Variants in RFNG observed in about 807,000 individuals in gnomAD.
RFNG encodes the protein beta-1,3-N-acetylglucosaminyltransferase radical fringe.
Under a neutral mutation model 29.6 loss-of-function variants are expected in RFNG, and 37 were observed. That is an observed-to-expected ratio of 1.25 (90% CI 0.96 to 1.65). The LOEUF (loss-of-function observed/expected upper bound fraction) is 1.65. RFNG is among the 40% of genes most tolerant of loss of function. The pLI, the probability that RFNG is intolerant of heterozygous loss-of-function variation, is 0.00. For missense variants in RFNG, 546 were observed against 457.0 expected (o/e 1.19, Z -1.78); for synonymous variants, 276 against 197.3 (o/e 1.40, Z -3.34).
rs532758119 is a variant in RFNG at position 82,048,968 on chromosome 17, A to G, written c.914+63T>C. 4.8e-5 allele frequency: 74 copies of G among 1,538,624 alleles called. No individual in the cohort carries two copies. The African/African-American group carries it at 8.9e-4, about 18-fold the overall frequency. ...AGCAGCGGGGGTCAGGGCCGTGGGTAGAGGGAGCTGATGCCAGAGCCCCTG... is the reference window on the plus strand; with the variant it reads ...AGCAGCGGGGGTCAGGGCCGTGGGTGGAGGGAGCTGATGCCAGAGCCCCTG... On this transcript the variant is annotated intron_variant, in intron 7 of 7. Transcript: ENST00000310496.
intron 6 of RFNG, 88 bp downstream of exon 6, chr17:82,049,589 G>T: frequency 1.4e-6 from 2 of 1,414,114 alleles, no homozygotes; most frequent in South Asian, 1.3e-5. Flanking sequence ...CTGCTCAGCC[G>T]GGCATCGGGC....
chr17:82,050,378 G>A (rs777497005), intron 4 of RFNG, 24 bp downstream of exon 4: 28 of 1,545,252 alleles, frequency 1.8e-5, no homozygotes, highest in East Asian at 9.0e-5. Flanking sequence ...CGTCTGCTCC[G>A]ATGGCGTCTG....
At position 82,049,589 on chromosome 17, in the gene RFNG, G is replaced by A. The variant is rs1003079366; in HGVS notation, c.828+88C>T. 22 of 1,413,996 alleles carry A rather than the reference G, an allele frequency of 1.6e-5. No homozygotes were observed. The East Asian group carries it at 2.0e-4, about 13-fold the overall frequency. The allele number at this position is 1,413,996 out of a possible 1,614,324, so 87.6% of individuals were successfully genotyped here. The stretch of plus-strand genomic sequence containing the variant: ...GCAAATCCCACCTGCCTGCTCAGCC[G>A]GGCATCGGGCCGGGGCAGTGGGGCC... On this transcript the variant is annotated intron_variant, in intron 6 of 7. Transcript: ENST00000310496.
At position 82,048,470 on chromosome 17, in the gene RFNG, T is replaced by A; in HGVS notation, c.*256A>T. 1.9e-6 allele frequency: 1 copy of A among 532,988 alleles called. No individual in the cohort carries two copies. The highest frequency in any genetic ancestry group is 3.3e-5 in the East Asian group (1 of 30,678). The allele number at this position is 532,988 out of a possible 1,614,324, so 33.0% of individuals were successfully genotyped here. A position where few individuals can be genotyped will look rare whatever the true frequency, so the allele number is the denominator to read the frequency against. The stretch of plus-strand genomic sequence containing the variant: ...GAAGCCTGTTCCCGTGGGATCAACC[T>A]TGGGGCTGGGTCGGGGGGAGGGGCA... On this transcript the variant is annotated 3_prime_UTR_variant, in exon 8 of 8. Transcript: ENST00000310496.
rs752259203 is a variant in RFNG, at chr17:82,048,664, G to A, written c.*62C>T. ...CCTGAGGGAGCCCACTGAGCCCATA[G>A]GGGGCTCTGGTTCCCCGCGCCTGGG... On this transcript the variant is annotated 3_prime_UTR_variant, in exon 8 of 8. Coordinates refer to ENST00000310496, the MANE Select transcript of RFNG (RefSeq NM_002917.2). 9 of 1,380,080 alleles carry A rather than the reference G, an allele frequency of 6.5e-6. No homozygotes were observed. Among genetic ancestry groups the A allele is most frequent in the South Asian group, 1.2e-5 (1 of 86,418 alleles). 85.5% of individuals were successfully genotyped at this position (1,380,080 alleles called of 1,614,324 possible).
At position 82,049,981 on chromosome 17, in the gene RFNG, G is replaced by C. The variant is rs1450256074; in HGVS notation, c.599C>G (p.Ala200Gly). 1.2e-5 allele frequency: 19 copies of C among 1,612,250 alleles called. No homozygotes were observed. Among genetic ancestry groups the C allele is most frequent in the Non-Finnish European group, 1.5e-5 (18 of 1,179,570 alleles). The change falls in exon 5 of 8, where the codon GCT (alanine) becomes GGT (glycine). Residue 200 changes from alanine to glycine, a missense_variant. Coordinates refer to ENST00000310496, the MANE Select transcript of RFNG (RefSeq NM_002917.2). Reference sequence around the variant, plus strand: ...GAGGCAGAACCCGGCCCCACCAGTAGCAAACCAGAACTTGACCGTGGTCAC... The same window carrying C: ...GAGGCAGAACCCGGCCCCACCAGTACCAAACCAGAACTTGACCGTGGTCAC... ...RTVTTVKFWFATGGAGFCLSR... is the reference protein window; with the variant it reads ...RTVTTVKFWFGTGGAGFCLSR...
chr17:82,050,129 C>T (rs999451068), intron 4 of RFNG, 123 bp from the exon 5 acceptor site: 3 of 942,250 alleles, frequency 3.2e-6, no homozygotes, highest in Admixed American at 4.7e-5. Flanking sequence ...GTAACAGAAG[C>T]TTCTTGGAGC....
chr17:82,049,761 C>T lies in RFNG; in HGVS notation c.744G>A (p.Leu248=). ...CTVGYIVEGL[L]GARLLHSPLF... ...GGGGGCTGTGCAGCAGGCGGGCGCC[C>T]AGGAGCCCCTCCACGATGTAGCCAA... Residue 248 remains leucine (L), a synonymous_variant, in exon 6 of 8, where the codon CTG becomes CTA. Coordinates refer to ENST00000310496, the MANE Select transcript of RFNG (RefSeq NM_002917.2). The T allele has an allele frequency of 1.3e-6, 2 of 1,523,726 alleles. No homozygotes were observed. Among genetic ancestry groups the T allele is most frequent in the Non-Finnish European group, 1.8e-6 (2 of 1,139,028 alleles). 94.4% of individuals were successfully genotyped at this position (1,523,726 alleles called of 1,614,324 possible).
At chr17:82,050,318 C>A in intron 4 of RFNG, 84 bp downstream of exon 4, 2 of 1,458,022 alleles carry the variant, frequency 1.4e-6, no homozygotes, top group Non-Finnish European at 1.8e-6. Context: ...CCTTCTCAAG[C>A]CAGCTTTCCA....
rs1326520955 is a variant in RFNG, at chr17:82,051,524, G to A, written c.243C>T (p.Thr81=). 19 of 1,399,420 alleles carry A rather than the reference G, an allele frequency of 1.4e-5. No individual in the cohort carries two copies. The highest frequency in any genetic ancestry group is 3.0e-5 in the African/African-American group (2 of 65,960). 86.7% of individuals were successfully genotyped at this position (1,399,420 alleles called of 1,614,324 possible). ...HGPRLRLLLR[T]WISRARQQTF... is the part of the protein sequence containing the mutation. ...CCTGCTGGCGGGCCCGGGAGATCCA[G>A]GTGCGCAGCAGCAGCCGCAGGCGCG... Residue 81 remains threonine (T), a synonymous_variant, in exon 1 of 8, where the codon ACC becomes ACT. Coordinates refer to ENST00000310496, the MANE Select transcript of RFNG (RefSeq NM_002917.2). This position sits in a 1 kb window ranked among gnomAD's most constrained non-coding sequence, Gnocchi z 4.1.
chr17:82,050,208 ACC>A (rs1568030948), intron 4 of RFNG, 192 bp downstream of exon 4: 4 of 784,736 alleles, frequency 5.1e-6, no homozygotes, highest in Non-Finnish European at 8.0e-6. Context: ...TGGCCCAGAC[ACC>A]CCCTCTCTGC....
In RFNG at chr17:82,048,592, C is replaced by T. The variant is rs1364301859; in HGVS notation, c.*134G>A. On this transcript the variant is annotated 3_prime_UTR_variant, in exon 8 of 8. Coordinates refer to ENST00000310496, the MANE Select transcript of RFNG (RefSeq NM_002917.2). ...TGGGAGAGGGGGGGCTGCAGGCTAG[C>T]CAGAGGGTCTGCCAGGTGCCTGCAT... 7 of 724,218 alleles carry T rather than the reference C, an allele frequency of 9.7e-6. No homozygotes were observed. Among genetic ancestry groups the T allele is most frequent in the Non-Finnish European group, 1.5e-5 (6 of 413,498 alleles). 44.9% of individuals were successfully genotyped at this position (724,218 alleles called of 1,614,324 possible).
intron 6 of RFNG, 184 bp downstream of exon 6, chr17:82,049,493 C>T: frequency 6.6e-6 from 5 of 755,608 alleles, no homozygotes; most frequent in Non-Finnish European, 9.2e-6. Flanking sequence ...AGACACCATA[C>T]CCCATCTGTA....
chr17:82,050,057 T>TGAAGAGTCAGGGGTGA, intron 4 of RFNG, 51 bp from the exon 5 acceptor site: 1 of 1,440,378 alleles, frequency 6.9e-7, no homozygotes, highest in Non-Finnish European at 9.6e-7. Flanking sequence ...TTCTCACCCC[T>TGAAGAGTCAGGGGTGA]GACTCTTCAT....
At position 82,051,800 on chromosome 17, in the gene RFNG, GA is replaced by G; in HGVS notation, c.-35del. The G allele has an allele frequency of 8.9e-7, 1 of 1,129,048 alleles. No homozygotes were observed. Among genetic ancestry groups the G allele is most frequent in the Non-Finnish European group, 1.1e-6 (1 of 921,522 alleles). 69.9% of individuals were successfully genotyped at this position (1,129,048 alleles called of 1,614,324 possible). On this transcript the variant is annotated 5_prime_UTR_variant, in exon 1 of 8. Coordinates refer to ENST00000310496, the MANE Select transcript of RFNG (RefSeq NM_002917.2). The surrounding 1 kb of genome is among the most constrained non-coding windows in gnomAD (Gnocchi z 4.1). ...CGGGACCCCCGGCGCTGCGAGCGGA[GA>G]ACCTGGCCGGAGCCGTGGGTGGGCG...
chr17:82,049,532 G>C, intron 6 of RFNG, 145 bp downstream of exon 6: 1 of 947,674 alleles, frequency 1.1e-6, no homozygotes, highest in Non-Finnish European at 1.6e-6. Flanking sequence ...AACAGGCCAA[G>C]GGGCCTGTCC....
chr17:82,049,182 C>T (rs765370747), intron 6 of RFNG, 66 bp from the exon 7 acceptor site: 1 of 1,336,868 alleles, frequency 7.5e-7, no homozygotes. Flanking sequence ...CTGCCCCTGG[C>T]CAGGAGCCCT....
Position 82,048,761 on chromosome 17 carries a change from G to C in RFNG, c.961C>G (p.Pro321Ala), listed in dbSNP as rs753542213. 34 of 1,613,222 alleles carry C rather than the reference G, an allele frequency of 2.1e-5. No individual in the cohort carries two copies. The highest frequency in any genetic ancestry group is 1.0e-4 in the Admixed American group (6 of 60,008). The change falls in exon 8 of 8, where the codon CCC becomes GCC. Residue 321 changes from proline (P) to alanine (A), a missense_variant. Physicochemically the swap from Pro to Ala is conservative, Grantham distance 27. Transcript: ENST00000310496. ...GTCGGGGCGCCCTGTTTCTGCCTGG[G>C]ACACCAGTCCGTGTCTGGGTACAGA... ...CLLYPDTDWC[P>A]RQKQGAPTSR
intron 4 of RFNG, 93 bp from the exon 5 acceptor site, chr17:82,050,099 C>T (rs2030234424): frequency 1.8e-6 from 2 of 1,123,608 alleles, no homozygotes; most frequent in Admixed American, 2.1e-5. Flanking sequence ...TTAAGCTGCC[C>T]CTTAGGAGAT....
Sources: allele counts gnomAD v4.1 joint callset, GRCh38; gene constraint gnomAD v4.1.1; non-coding constraint Gnocchi (gnomAD v3.1); transcripts MANE v1.5; gene names NCBI Gene and HGNC (gene_info 2026-07-23, HGNC 2026-07-21).